Variants in TIA1 observed in about 807,000 individuals in gnomAD.
TIA1 encodes the protein cytotoxic granule associated RNA binding protein TIA1.
TIA1 carries 23 observed loss-of-function variants against 65.9 expected under a neutral mutation model. That is an observed-to-expected ratio of 0.35 (90% CI 0.25 to 0.49). The LOEUF (loss-of-function observed/expected upper bound fraction) is 0.49. Among genes scored for constraint, TIA1 ranks in the 20% least tolerant of loss-of-function variants. The pLI is 0.98. For missense variants in TIA1, 371 were observed against 477.9 expected (o/e 0.78, Z 2.09); for synonymous variants, 147 against 149.4 (o/e 0.98, Z 0.12).
rs1247745935 is a variant in TIA1, at chr2:70,216,310, AAAAC to A, written c.680-22_680-19del. The stretch of plus-strand genomic sequence containing the variant: ...TAGTTGTTCTGTTAGACAAAAAACC[AAAAC>A]AAACAAATCACACTAAGTTATATAA... On this transcript the variant is annotated intron_variant, in intron 9 of 12. Coordinates refer to ENST00000433529, the MANE Select transcript of TIA1 (RefSeq NM_022173.4). 5 of 1,582,498 alleles carry A rather than the reference AAAAC, an allele frequency of 3.2e-6. No individual in the cohort carries two copies. The highest frequency in any genetic ancestry group is 4.3e-6 in the Non-Finnish European group (5 of 1,168,974).
At chr2:70,213,609 A>G (rs1286816638) in intron 12 of TIA1, among the ~76,000 whole-genome samples, 2 of 151,754 alleles carry the variant, frequency 1.3e-5, no homozygotes, top group African/African-American at 4.8e-5. Context: ...TTGGCCTTCC[A>G]AAGTGCTAGG....
upstream of TIA1, chr2:70,248,770 C>T (rs1339063663): frequency 5.1e-6 from 2 of 389,970 alleles, no homozygotes; most frequent in Non-Finnish European, 9.3e-6. Context: ...CCACCCGACG[C>T]GAGGGACGCC....
chr2:70,219,409 C>T (rs1680185061), intron 7 of TIA1, among the ~76,000 whole-genome samples: 1 of 152,096 alleles, frequency 6.6e-6, no homozygotes, highest in Non-Finnish European at 1.5e-5. Flanking sequence ...CTTTTGTGTG[C>T]ACACATCAAA....
chr2:70,215,205 A>G, intron 11 of TIA1, 166 bp downstream of exon 11: 2 of 784,732 alleles, frequency 2.5e-6, no homozygotes, highest in Non-Finnish European at 4.0e-6. Flanking sequence ...TCATGTCACC[A>G]CTGCAATCCA....
Position 70,248,539 on chromosome 2 carries a change from C to T in TIA1, c.-109G>A. On this transcript the variant is annotated 5_prime_UTR_variant, in exon 1 of 13. Transcript: ENST00000433529. ...AGGATAGTGGGGTTTCTCGGCTGAC[C>T]AGAGGTTACTCCGCCTCCTCCTCCG... 6.5e-7 allele frequency: 1 copy of T among 1,534,436 alleles called. No homozygotes were observed. The highest frequency in any genetic ancestry group is 1.1e-5 in the South Asian group (1 of 87,602).
chr2:70,248,694 C>A (rs919259065), upstream of TIA1: 1 of 552,192 alleles, frequency 1.8e-6, no homozygotes, highest in Non-Finnish European at 3.2e-6. Context: ...TAATCTTGCA[C>A]TCTCAACCTC....
intron 1 of TIA1, among the ~76,000 whole-genome samples, chr2:70,241,266 C>T (rs1691565748): frequency 6.6e-6 from 1 of 151,970 alleles, no homozygotes; most frequent in Admixed American, 6.6e-5. Context: ...ATAGTGAAAC[C>T]CCGTCTCTAC....
At chr2:70,215,523 A>G (rs373259454) in intron 10 of TIA1, 29 bp from the exon 11 acceptor site, 31 of 1,571,864 alleles carry the variant, frequency 2.0e-5, no homozygotes, top group Non-Finnish European at 2.7e-5. Context: ...AGAATCACCA[A>G]TACAAATTCT....
chr2:70,212,925 G>T, intron 12 of TIA1, 80 bp from the exon 13 acceptor site: 2 of 876,496 alleles, frequency 2.3e-6, no homozygotes, highest in South Asian at 1.5e-5. Flanking sequence ...CAAACAACAA[G>T]AACAAATATG....
At chr2:70,217,096 G>C (rs1379309300) in intron 7 of TIA1, 102 bp from the exon 8 acceptor site, 1 of 1,200,498 alleles carries the variant, frequency 8.3e-7, no homozygotes, top group South Asian at 2.0e-5. Context: ...AAATGTTTAA[G>C]TGAAAATGCT....
chr2:70,238,265 T>G (rs1235446561), intron 1 of TIA1, among the ~76,000 whole-genome samples: 1 of 125,768 alleles, frequency 8.0e-6, no homozygotes, highest in Admixed American at 7.6e-5. Flanking sequence ...CCCAAGTTTT[T>G]TTTTTTTTTT....
chr2:70,228,500 T>C lies in TIA1; in HGVS notation c.310+559A>G, dbSNP rs1684724631. On this transcript the variant is annotated intron_variant, in intron 5 of 12. Transcript: ENST00000433529. ...GAATGAAAACAGTAATCCCTTCACT[T>C]TATATCAGAACCATTAAAAAAGCAT... 4 of 1,234,700 alleles carry C rather than the reference T, an allele frequency of 3.2e-6. No individual in the cohort carries two copies. In the South Asian group the frequency reaches 5.5e-5, roughly 17 times the overall value. The allele number at this position is 1,234,700 out of a possible 1,614,324, so 76.5% of individuals were successfully genotyped here. A position where few individuals can be genotyped will look rare whatever the true frequency, so the allele number is the denominator to read the frequency against.
Position 70,220,618 on chromosome 2 carries a change from G to A in TIA1, c.475-3624C>T, listed in dbSNP as rs139045804. Among the ~76,000 whole-genome samples, 6 of 152,116 alleles carry A rather than the reference G, an allele frequency of 3.9e-5. No homozygotes were observed. In the East Asian group the frequency reaches 7.7e-4, roughly 20 times the overall value. On this transcript the variant is annotated intron_variant, in intron 7 of 12. Transcript: ENST00000433529. The stretch of plus-strand genomic sequence containing the variant: ...CTGACACCTTGATTGTGAATTTCAC[G>A]CCTCCAAAACATTGAGAAAATAAAT...
At chr2:70,235,151 C>T (rs7608348) in intron 2 of TIA1, among the ~76,000 whole-genome samples, 1 of 152,074 alleles carries the variant, frequency 6.6e-6, no homozygotes, top group African/African-American at 2.4e-5. Flanking sequence ...TACAGTGGCT[C>T]ATACCTGTAA....
At position 70,229,176 on chromosome 2, in the gene TIA1, T is replaced by A. The variant is rs751515311; in HGVS notation, c.278-85A>T. On this transcript the variant is annotated intron_variant, in intron 4 of 12. Coordinates refer to ENST00000433529, the MANE Select transcript of TIA1 (RefSeq NM_022173.4). ...CTTAGGATAACGATCAAAACATTAC[T>A]GCAAACATGTATGATGTTTATAGGC... 3.8e-6 allele frequency: 6 copies of A among 1,598,474 alleles called. No individual in the cohort carries two copies. In the South Asian group the frequency reaches 4.4e-5, roughly 12 times the overall value.
intron 5 of TIA1, chr2:70,228,579 A>ATTGTTTCTTTTTTTGAT (rs1162581069): frequency 3.6e-6 from 4 of 1,107,996 alleles, no homozygotes; most frequent in Non-Finnish European, 4.4e-6. Flanking sequence ...CAATTATCAA[A>ATTGTTTCTTTTTTTGAT]AAAAGAAACA....
intron 3 of TIA1, 67 bp from the exon 4 acceptor site, chr2:70,229,385 T>C (rs760868054): frequency 6.8e-6 from 9 of 1,327,640 alleles, no homozygotes; most frequent in Non-Finnish European, 9.6e-6. Context: ...TTTGTATCTA[T>C]AAACACATAG....
At chr2:70,231,607 A>T (rs1686331052) in intron 2 of TIA1, among the ~76,000 whole-genome samples, 1 of 152,190 alleles carries the variant, frequency 6.6e-6, no homozygotes, top group South Asian at 2.1e-4. Context: ...CATTTGTTCA[A>T]GCTACACAGA....
chr2:70,224,632 G>C lies in TIA1; in HGVS notation c.399-3C>G. ...TGTCTTTTACCACTCGGGCATCTCT[G>C]AAATCAGAAACAATCAGAAGTTTAG... On this transcript the variant is annotated splice_polypyrimidine_tract_variant and splice_region_variant and intron_variant, in intron 6 of 12. Coordinates refer to ENST00000433529, the MANE Select transcript of TIA1 (RefSeq NM_022173.4). 1 of 1,612,950 alleles carries C rather than the reference G, an allele frequency of 6.2e-7. No individual in the cohort carries two copies. Among genetic ancestry groups the C allele is most frequent in the Non-Finnish European group, 8.5e-7 (1 of 1,179,506 alleles).
Sources: gnomAD v4.1 joint callset for allele counts (sites outside exome capture counted in the v4.1 genomes callset) on GRCh38, gnomAD v4.1.1 for gene constraint, MANE v1.5 for transcripts, NCBI Gene and HGNC (gene_info 2026-07-23, HGNC 2026-07-21) for gene names.